Variants in CDH13 observed in about 807,000 individuals in gnomAD.
CDH13 encodes the protein cadherin 13.
Under a neutral mutation model 63.8 loss-of-function variants are expected in CDH13, and 24 were observed. The ratio of observed to expected loss-of-function variants is 0.38; its 90% CI spans 0.27 to 0.53. CDH13 has a LOEUF of 0.53. Among genes scored for constraint, CDH13 ranks in the 20% least tolerant of loss-of-function variants. The pLI, the probability that CDH13 is intolerant of heterozygous loss-of-function variation, is 0.85. For missense variants in CDH13, 1,049 were observed against 903.1 expected, an observed-to-expected ratio of 1.16 and a Z score of -2.07; for synonymous variants, 503 against 355.3, an observed-to-expected ratio of 1.42 and a Z score of -4.67.
chr16:83,031,764 G>A (rs35178368), intron 2 of CDH13, among the ~76,000 whole-genome samples: 4 of 152,064 alleles, frequency 2.6e-5, no homozygotes, highest in African/African-American at 7.2e-5. Context: ...GCACTCAAGT[G>A]TGCACACTCA....
At chr16:83,657,582 G>A (rs1559349) in intron 8 of CDH13, among the ~76,000 whole-genome samples, 24,578 of 152,220 alleles carry the variant, frequency 0.16, 2,405 homozygotes, top group Admixed American at 0.27. Flanking sequence ...TTCCTCTGCA[G>A]CAGACCGCTT....
chr16:82,630,290 A>T (rs1907851263), intron 1 of CDH13, among the ~76,000 whole-genome samples: 1 of 152,212 alleles, frequency 6.6e-6, no homozygotes, highest in Non-Finnish European at 1.5e-5. Context: ...GAAATGGAAT[A>T]TGTAGTGAAA....
chr16:83,706,907 G>T (rs1395665659), intron 10 of CDH13, among the ~76,000 whole-genome samples: 1 of 124,544 alleles, frequency 8.0e-6, no homozygotes, highest in Non-Finnish European at 1.7e-5. Context: ...TTAAGTCCTG[G>T]GTGGCCTGTC....
chr16:83,782,436 CA>C (rs11329605), intron 12 of CDH13, among the ~76,000 whole-genome samples: 30,941 of 151,114 alleles, frequency 0.2, 3,524 homozygotes, highest in Non-Finnish European at 0.26. Context: ...GAGGATTGAT[CA>C]AAAAAAACAA....
At chr16:83,773,451 A>G (rs1028031421) in intron 11 of CDH13, among the ~76,000 whole-genome samples, 11 of 152,180 alleles carry the variant, frequency 7.2e-5, no homozygotes, top group African/African-American at 1.9e-4. Flanking sequence ...CCTTCTTCAC[A>G]TGGTGTCAGG....
chr16:83,225,565 T>A (rs2039814898), intron 5 of CDH13, among the ~76,000 whole-genome samples: 1 of 152,174 alleles, frequency 6.6e-6, no homozygotes, highest in African/African-American at 2.4e-5. Flanking sequence ...TAATTCCTGA[T>A]AGGGGAAATT....
rs532011654 is a variant in CDH13, at chr16:83,007,766, G to A, written c.158-24244G>A. 4.6e-5 allele frequency among the ~76,000 whole-genome samples: 7 copies of A among 151,568 alleles called. No individual in the cohort carries two copies. The South Asian group carries it at 1.5e-3, about 32-fold the overall frequency. ...TTGAACCCAGGAGGCGGGGGTGGCA[G>A]TGAGCTAAGATCACACCACTGCACT... is the stretch of plus-strand genomic sequence containing the variant. On this transcript the variant is annotated intron_variant, in intron 2 of 13. Transcript: ENST00000567109.
chr16:83,757,808 T>TC (rs1913637608), intron 11 of CDH13, among the ~76,000 whole-genome samples: 1 of 152,002 alleles, frequency 6.6e-6, no homozygotes. Context: ...TGGACAAGTT[T>TC]CCCCAAAATT....
At chr16:83,579,051 C>A (rs1905297457) in intron 7 of CDH13, among the ~76,000 whole-genome samples, 1 of 152,234 alleles carries the variant, frequency 6.6e-6, no homozygotes, top group African/African-American at 2.4e-5. Flanking sequence ...CTTGCAAAGG[C>A]AATGATAAAA....
intron 3 of CDH13, among the ~76,000 whole-genome samples, chr16:83,033,426 C>G (rs1336974251): frequency 6.6e-6 from 1 of 152,108 alleles, no homozygotes; most frequent in Non-Finnish European, 1.5e-5. Context: ...TTTTGTTTCC[C>G]AATGACTTTT....
chr16:83,436,868 G>A (rs1197646959), intron 6 of CDH13, among the ~76,000 whole-genome samples: 2 of 152,028 alleles, frequency 1.3e-5, no homozygotes, highest in Non-Finnish European at 2.9e-5. Flanking sequence ...CCATTGGTAG[G>A]GCTCTTTATG....
intron 1 of CDH13, among the ~76,000 whole-genome samples, chr16:82,782,552 A>G (rs866169593): frequency 0.39 from 25,898 of 66,070 alleles, 2,574 homozygotes; most frequent in African/African-American, 0.43. Context: ...ACTCCATCTC[A>G]AAAAAAAAAA....
intron 2 of CDH13, among the ~76,000 whole-genome samples, chr16:82,950,392 T>G (rs993921988): frequency 6.6e-6 from 1 of 152,132 alleles, no homozygotes; most frequent in Non-Finnish European, 1.5e-5. Flanking sequence ...TCTTGAATTG[T>G]AGCTCCCATA....
At chr16:83,388,479 A>T (rs963769657) in intron 6 of CDH13, among the ~76,000 whole-genome samples, 1 of 151,950 alleles carries the variant, frequency 6.6e-6, no homozygotes, top group Admixed American at 6.6e-5. Context: ...GCTTTTTTTG[A>T]TCAACGAGAT....
At chr16:82,967,183 A>G in intron 2 of CDH13, among the ~76,000 whole-genome samples, 1 of 152,140 alleles carries the variant, frequency 6.6e-6, no homozygotes, top group East Asian at 1.9e-4. Context: ...GGAACTTCCT[A>G]TGTCAACACC....
chr16:83,194,190 T>C (rs2038807569), intron 4 of CDH13, among the ~76,000 whole-genome samples: 1 of 152,164 alleles, frequency 6.6e-6, no homozygotes. Context: ...TCCTTTCTTC[T>C]GGCTGCAGCC....
intron 2 of CDH13, among the ~76,000 whole-genome samples, chr16:82,977,535 C>G (rs1450052027): frequency 6.6e-6 from 1 of 152,118 alleles, no homozygotes; most frequent in Non-Finnish European, 1.5e-5. Flanking sequence ...TGGCACTTCC[C>G]CTTGCTGCCA....
At chr16:83,177,745 A>G (rs1047437986) in intron 4 of CDH13, among the ~76,000 whole-genome samples, 1 of 152,192 alleles carries the variant, frequency 6.6e-6, no homozygotes, top group Non-Finnish European at 1.5e-5. Context: ...CAAGTATTGC[A>G]TTAGGAGAAA....
At chr16:83,712,016 C>G (rs1170911889) in intron 10 of CDH13, among the ~76,000 whole-genome samples, 1 of 152,216 alleles carries the variant, frequency 6.6e-6, no homozygotes, top group African/African-American at 2.4e-5. Context: ...GCTGTCTTCT[C>G]CCTGTGTCCT....
Sources: gnomAD v4.1 joint callset for allele counts (sites outside exome capture counted in the v4.1 genomes callset) on GRCh38, gnomAD v4.1.1 for gene constraint, MANE v1.5 for transcripts, NCBI Gene and HGNC (gene_info 2026-07-23, HGNC 2026-07-21) for gene names.